Variants in DPRX observed in about 807,000 individuals in gnomAD.
DPRX encodes the protein divergent-paired related homeobox, also known as divergent paired-related homeobox.
A neutral mutation model predicts 8.4 loss-of-function variants in DPRX; 11 were observed. The observed-to-expected ratio is 1.31, with a 90% CI of 0.82 to 2.17. The LOEUF is 2.17. Among genes scored for constraint, DPRX ranks in the 30% most tolerant of loss-of-function variants. DPRX has a pLI of 0.00. For missense variants in DPRX, 211 were observed against 236.7 expected, an observed-to-expected ratio of 0.89 and a Z score of 0.71; for synonymous variants, 72 against 87.0, an observed-to-expected ratio of 0.83 and a Z score of 0.96.
upstream of DPRX, among the ~76,000 whole-genome samples, chr19:53,631,062 G>C (rs377547545): frequency 2.0e-5 from 3 of 151,870 alleles, no homozygotes; most frequent in African/African-American, 7.3e-5. Context: ...GGCCAGGCTG[G>C]TCTCGAACTC....
chr19:53,632,143 G>C lies in DPRX; in HGVS notation c.28+9G>C. ...AGAGGATCTTCGTAAAGGTAAGCCA[G>C]AAAAAATGAGAACCGAAGCAAAGAC... On this transcript the variant is annotated intron_variant, in intron 1 of 2. Coordinates refer to ENST00000376650, the Ensembl canonical transcript of DPRX. 2 of 1,614,008 alleles carry C rather than the reference G, an allele frequency of 1.2e-6. No homozygotes were observed.
At chr19:53,622,161 T>A in the DPRX span, among the ~76,000 whole-genome samples, 1 of 152,188 alleles carries the variant, frequency 6.6e-6, no homozygotes, top group South Asian at 2.1e-4. Flanking sequence ...AACTTCTTTG[T>A]AAACATGCTA....
chr19:53,619,803 C>T, the DPRX span, among the ~76,000 whole-genome samples: 3 of 146,770 alleles, frequency 2.0e-5, no homozygotes, highest in Admixed American at 7.0e-5. Flanking sequence ...TGCAGTGAGC[C>T]GAGATCATGC....
chr19:53,627,728 C>T (rs1407548306), upstream of DPRX, among the ~76,000 whole-genome samples: 20 of 149,764 alleles, frequency 1.3e-4, no homozygotes, highest in East Asian at 4.1e-4. Flanking sequence ...CATGAGCCAC[C>T]GTGCCCAGCC....
the DPRX span, among the ~76,000 whole-genome samples, chr19:53,604,669 G>A: frequency 3.4e-4 from 52 of 151,980 alleles, no homozygotes; most frequent in Admixed American, 2.0e-3. Context: ...ATGGTGAAAC[G>A]TCATCTCTAC....
At chr19:53,606,279 G>T in the DPRX span, 1 of 152,320 alleles carries the variant, frequency 6.6e-6, no homozygotes, top group Non-Finnish European at 1.5e-5. This position sits in a 1 kb window ranked among gnomAD's most constrained non-coding sequence, Gnocchi z 4.8. Context: ...GAGGCTGCAT[G>T]CAGGAGAAAA....
In DPRX at chr19:53,632,448, A is replaced by G. The variant is rs914305956; in HGVS notation, c.28+314A>G. ...CCCGAGTAGCTGGGATGACAGGCAC[A>G]CGCCACCACACCTGGCTAATTTTTT... On this transcript the variant is annotated intron_variant, in intron 1 of 2. Coordinates refer to ENST00000376650, the Ensembl canonical transcript of DPRX. Among the ~76,000 whole-genome samples the G allele has an allele frequency of 8.2e-5, 12 of 146,240 alleles. No individual in the cohort carries two copies. In the East Asian group the frequency reaches 1.4e-3, roughly 17 times the overall value.
intron 2 of DPRX, among the ~76,000 whole-genome samples, chr19:53,635,606 C>A (rs2091109041): frequency 6.6e-6 from 1 of 152,050 alleles, no homozygotes; most frequent in Admixed American, 6.6e-5. Flanking sequence ...GACTCAAACT[C>A]CTGAAATCAA....
intron 1 of DPRX, among the ~76,000 whole-genome samples, chr19:53,633,994 AC>A (rs2091102777): frequency 1.3e-5 from 2 of 152,200 alleles, no homozygotes; most frequent in African/African-American, 2.4e-5. Context: ...GAAAGGAACA[AC>A]CTTTTCCTAT....
chr19:53,603,604 G>C, the DPRX span: 1 of 334,228 alleles, frequency 3.0e-6, no homozygotes, highest in Admixed American at 3.7e-5. Context: ...TCCAACATCA[G>C]AGAGCCTAAT....
chr19:53,616,465 CTG>C, the DPRX span, among the ~76,000 whole-genome samples: 1 of 151,476 alleles, frequency 6.6e-6, no homozygotes, highest in East Asian at 2.0e-4. Flanking sequence ...ATTTAAAAGA[CTG>C]TACTGGACCT....
upstream of DPRX, among the ~76,000 whole-genome samples, chr19:53,630,998 C>G (rs532491819): frequency 3.0e-4 from 45 of 151,980 alleles, no homozygotes; most frequent in African/African-American, 1.0e-3. Context: ...AGGTGCCCAC[C>G]ACCACACCCA....
At chr19:53,614,160 T>C in the DPRX span, among the ~76,000 whole-genome samples, 18 of 151,920 alleles carry the variant, frequency 1.2e-4, no homozygotes, top group African/African-American at 2.4e-4. Context: ...CCATGTTAGC[T>C]AGGATGGTCT....
the DPRX span, among the ~76,000 whole-genome samples, chr19:53,609,612 T>C: frequency 6.6e-6 from 1 of 150,666 alleles, no homozygotes; most frequent in Non-Finnish European, 1.5e-5. Context: ...ACTCCTGTAA[T>C]CCCAGCACTT....
chr19:53,611,522 C>T, the DPRX span, among the ~76,000 whole-genome samples: 15 of 152,176 alleles, frequency 9.9e-5, no homozygotes, highest in Admixed American at 7.9e-4. Flanking sequence ...CACGAGCCTC[C>T]GCGCCTGGCC....
chr19:53,619,696 A>C, the DPRX span, among the ~76,000 whole-genome samples: 4 of 150,432 alleles, frequency 2.7e-5, no homozygotes, highest in African/African-American at 7.3e-5. Context: ...AAAACAAAAA[A>C]CAGAAAAAAT....
upstream of DPRX, chr19:53,631,995 TG>T: frequency 6.9e-7 from 1 of 1,439,962 alleles, no homozygotes; most frequent in Non-Finnish European, 9.7e-7. Flanking sequence ...CAGAGAAAGG[TG>T]GAGGAGGTGG....
chr19:53,616,039 G>A, the DPRX span, among the ~76,000 whole-genome samples: 1 of 152,062 alleles, frequency 6.6e-6, no homozygotes, highest in Non-Finnish European at 1.5e-5. Context: ...GATCACCTAA[G>A]GTCAGCAGTT....
the DPRX span, among the ~76,000 whole-genome samples, chr19:53,621,158 G>T: frequency 6.6e-6 from 1 of 151,754 alleles, no homozygotes; most frequent in Non-Finnish European, 1.5e-5. Flanking sequence ...TCAGATACAA[G>T]GTCTCACTGT....
Sources: gnomAD v4.1 joint callset for allele counts (sites outside exome capture counted in the v4.1 genomes callset) on GRCh38, gnomAD v4.1.1 for gene constraint, Gnocchi (gnomAD v3.1) non-coding constraint, MANE v1.5 for transcripts, NCBI Gene and HGNC (gene_info 2026-07-23, HGNC 2026-07-21) for gene names.